Variants in CDH3 observed in about 807,000 individuals in gnomAD.
CDH3 encodes the protein cadherin 3, also known as cadherin-3.
CDH3 carries 54 observed loss-of-function variants against 82.0 expected under a neutral mutation model. That is an observed-to-expected ratio of 0.66 (90% CI 0.53 to 0.83). The LOEUF (loss-of-function observed/expected upper bound fraction) is 0.83, where lower values mean the gene tolerates loss of function less well. CDH3 is among the 40% of genes least tolerant of loss of function. The pLI is 0.00. For missense variants in CDH3, 1,054 were observed against 1,084.6 expected, an observed-to-expected ratio of 0.97 and a Z score of 0.40; for synonymous variants, 446 against 437.9, an observed-to-expected ratio of 1.02 and a Z score of -0.23.
At chr16:68,660,635 G>A (rs1195079016) in intron 2 of CDH3, among the ~76,000 whole-genome samples, 1 of 152,104 alleles carries the variant, frequency 6.6e-6, no homozygotes, top group African/African-American at 2.4e-5. Flanking sequence ...GGACAGGGTG[G>A]TTGCATTTAT....
chr16:68,679,071 T>A (rs992307560), intron 6 of CDH3, among the ~76,000 whole-genome samples, 165 bp downstream of exon 6: 2 of 152,162 alleles, frequency 1.3e-5, no homozygotes, highest in African/African-American at 4.8e-5. Flanking sequence ...ATAAGAATGA[T>A]CCTAGAGCAG....
Position 68,661,602 on chromosome 16 carries a change from T to A in CDH3, c.161-14783T>A, listed in dbSNP as rs912767890. Among the ~76,000 whole-genome samples the A allele has an allele frequency of 3.3e-5, 5 of 152,242 alleles. No homozygotes were observed. In the East Asian group the frequency reaches 9.6e-4, roughly 29 times the overall value. ...CATTCAACAATTATCAAACACCTAC[T>A]TTGTACTGGGCACAGTGCTAAATGC... On this transcript the variant is annotated intron_variant, in intron 2 of 15. Coordinates refer to ENST00000264012, the MANE Select transcript of CDH3 (RefSeq NM_001793.6).
intron 2 of CDH3, chr16:68,652,066 C>A (rs1265544764): frequency 5.5e-6 from 1 of 182,580 alleles, no homozygotes; most frequent in East Asian, 1.7e-4. Flanking sequence ...TTGATAATTT[C>A]CACTTAGCTG....
chr16:68,667,172 C>G (rs1452072844), intron 2 of CDH3, among the ~76,000 whole-genome samples: 1 of 152,084 alleles, frequency 6.6e-6, no homozygotes, highest in Non-Finnish European at 1.5e-5. Context: ...AGGAAAAATG[C>G]CAGAATCTTT....
downstream of CDH3, among the ~76,000 whole-genome samples, chr16:68,731,384 AAAAAAAAAAAAAT>A (rs1315919572): frequency 1.5e-4 from 4 of 26,554 alleles, 1 homozygote; most frequent in African/African-American, 8.7e-4. Context: ...AAAAAAAAAA[AAAAAAAAAAAAAT>A]ATATATATAT....
intron 1 of CDH3, among the ~76,000 whole-genome samples, chr16:68,711,434 C>T (rs912315066): frequency 1.3e-5 from 2 of 152,130 alleles, no homozygotes; most frequent in Non-Finnish European, 1.5e-5. Context: ...CACTTGGAGG[C>T]GGCTGGGGGA....
At position 68,645,348 on chromosome 16, in the gene CDH3, G is replaced by T; in HGVS notation, c.-32G>T. The T allele has an allele frequency of 6.2e-7, 1 of 1,610,120 alleles. No individual in the cohort carries two copies. Reference sequence around the variant, plus strand: ...CTGAGCGGAACACCGGCCCGCCGTCGCGGCAGCTGCTTCACCCCTCTCTCT... The same window carrying T: ...CTGAGCGGAACACCGGCCCGCCGTCTCGGCAGCTGCTTCACCCCTCTCTCT... On this transcript the variant is annotated 5_prime_UTR_variant, in exon 1 of 16. Coordinates refer to ENST00000264012, the MANE Select transcript of CDH3 (RefSeq NM_001793.6).
Position 68,695,299 on chromosome 16 carries a change from A to G in CDH3, c.2047A>G (p.Ile683Val). 1 of 1,614,082 alleles carries G rather than the reference A, an allele frequency of 6.2e-7. No individual in the cohort carries two copies. The highest frequency in any genetic ancestry group is 8.5e-7 in the Non-Finnish European group (1 of 1,180,008). ...LLLLVRKKRK[I>V]KEPLLLPEDD... ...TTTGTTGGTGAGAAAGAAGCGGAAG[A>G]TCAAGGAGCCCCTCCTACTCCCAGA... The change falls in exon 14 of 16, where the codon ATC becomes GTC. Residue 683 changes from isoleucine to valine, a missense_variant. Coordinates refer to ENST00000264012, the MANE Select transcript of CDH3 (RefSeq NM_001793.6).
intron 9 of CDH3, among the ~76,000 whole-genome samples, chr16:68,683,550 G>A (rs531645850): frequency 4.0e-4 from 60 of 150,016 alleles, no homozygotes; most frequent in Non-Finnish European, 6.9e-4. Flanking sequence ...TACTTGGGAG[G>A]CTGAGGCAGG....
At chr16:68,669,179 G>C (rs536586673) in intron 2 of CDH3, among the ~76,000 whole-genome samples, 5 of 152,322 alleles carry the variant, frequency 3.3e-5, no homozygotes, top group African/African-American at 1.2e-4. Flanking sequence ...TGAGTTGTCA[G>C]ATTGGGAGAA....
chr16:68,695,209 A>C, intron 13 of CDH3, 46 bp from the exon 14 acceptor site: 1 of 1,611,496 alleles, frequency 6.2e-7, no homozygotes, highest in Non-Finnish European at 8.5e-7. Context: ...GTCTTGGCCC[A>C]CTGTGTGGTT....
intron 1 of CDH3, among the ~76,000 whole-genome samples, chr16:68,720,519 T>C (rs1241287717): frequency 2.6e-5 from 4 of 152,170 alleles, no homozygotes; most frequent in Admixed American, 6.5e-5. Context: ...CACAGACATC[T>C]ATTGAGCACT....
chr16:68,696,028 C>G, intron 15 of CDH3, 105 bp downstream of exon 15: 1 of 1,208,980 alleles, frequency 8.3e-7, no homozygotes, highest in Non-Finnish European at 1.2e-6. Flanking sequence ...GGTTCAAATT[C>G]TGACTCCACC....
Position 68,681,033 on chromosome 16 carries a change from G to A in CDH3, c.933G>A (p.Thr311=), listed in dbSNP as rs769135538. 20 of 1,613,630 alleles carry A rather than the reference G, an allele frequency of 1.2e-5. No homozygotes were observed. Among genetic ancestry groups the A allele is most frequent in the East Asian group, 8.9e-5 (4 of 44,874 alleles). Residue 311 remains threonine (T), a synonymous_variant, in exon 8 of 16, where the codon ACG becomes ACA. Coordinates refer to ENST00000264012, the MANE Select transcript of CDH3 (RefSeq NM_001793.6). ...TDMDGDGSTT[T]AVAVVEILDA... ...TGGATGGGGACGGCTCCACCACCAC[G>A]GCAGTGGCAGTAGTGGAGATCCTTG...
chr16:68,694,117 G>T (rs1011156847), intron 13 of CDH3, among the ~76,000 whole-genome samples: 3 of 151,158 alleles, frequency 2.0e-5, no homozygotes, highest in Non-Finnish European at 4.4e-5. Flanking sequence ...TTGAGATCAC[G>T]CCACTGCATT....
intron 2 of CDH3, among the ~76,000 whole-genome samples, chr16:68,653,915 C>T (rs1017900220): frequency 1.3e-5 from 2 of 151,696 alleles, no homozygotes; most frequent in Admixed American, 6.6e-5. Context: ...GACGAGGTTT[C>T]GCCATGTTAG....
chr16:68,701,898 C>G (rs927454284), downstream of CDH3, among the ~76,000 whole-genome samples: 9 of 151,702 alleles, frequency 5.9e-5, no homozygotes, highest in Non-Finnish European at 1.2e-4. Flanking sequence ...GTGGCCTACG[C>G]CTGTAGTCCC....
chr16:68,666,679 CTT>C (rs972420566), intron 2 of CDH3, among the ~76,000 whole-genome samples: 5 of 152,230 alleles, frequency 3.3e-5, no homozygotes, highest in African/African-American at 9.7e-5. Flanking sequence ...CTCTCTCTCT[CTT>C]CTTTTTGGTA....
intron 13 of CDH3, 90 bp downstream of exon 13, chr16:68,692,016 C>A (rs1414578277): frequency 2.0e-6 from 2 of 1,012,768 alleles, no homozygotes; most frequent in African/African-American, 3.2e-5. Context: ...AACTAAGAGG[C>A]CACCAACATT....
Sources: gnomAD v4.1 joint callset for allele counts (sites outside exome capture counted in the v4.1 genomes callset) on GRCh38, gnomAD v4.1.1 for gene constraint, MANE v1.5 for transcripts, NCBI Gene and HGNC (gene_info 2026-07-23, HGNC 2026-07-21) for gene names.